The following NOS1AP variants were observed in gnomAD, a reference collection of about 807,000 sequenced individuals.
NOS1AP encodes nitric oxide synthase 1 adaptor protein.
Under a neutral mutation model 56.2 loss-of-function variants are expected in NOS1AP, and 21 were observed. That is an observed-to-expected ratio of 0.37 (90% CI 0.26 to 0.54). The LOEUF (loss-of-function observed/expected upper bound fraction) is 0.54. Ranked by LOEUF, NOS1AP falls within the 20% of genes least tolerant of loss-of-function variation. NOS1AP has a pLI of 0.84. For missense variants in NOS1AP, 522 were observed against 657.8 expected, an observed-to-expected ratio of 0.79 and a Z score of 2.26; for synonymous variants, 270 against 274.6, an observed-to-expected ratio of 0.98 and a Z score of 0.17.
chr1:162,148,249 T>A (rs1218306663), intron 1 of NOS1AP, among the ~76,000 whole-genome samples: 1 of 152,220 alleles, frequency 6.6e-6, no homozygotes, highest in Non-Finnish European at 1.5e-5. Flanking sequence ...TGAATCTGTG[T>A]TCATTTTTGG....
chr1:162,212,386 A>G (rs1291745183), intron 2 of NOS1AP, among the ~76,000 whole-genome samples: 2 of 152,078 alleles, frequency 1.3e-5, no homozygotes, highest in Non-Finnish European at 2.9e-5. Flanking sequence ...GGTGAGCAAA[A>G]TGGGCTGGTC....
At chr1:162,173,704 A>G (rs1448030036) in intron 2 of NOS1AP, among the ~76,000 whole-genome samples, 2 of 152,238 alleles carry the variant, frequency 1.3e-5, no homozygotes, top group Admixed American at 6.5e-5. Context: ...CAATGAACTC[A>G]AACAGATTTA....
chr1:162,281,622 G>A (rs961805732), intron 2 of NOS1AP, among the ~76,000 whole-genome samples: 3 of 152,098 alleles, frequency 2.0e-5, no homozygotes, highest in African/African-American at 7.2e-5. Flanking sequence ...GTGTGGGGAG[G>A]GCATTTTAGG....
At chr1:162,289,278 T>TTCCTTC (rs1655205232) in intron 3 of NOS1AP, among the ~76,000 whole-genome samples, 1 of 24,854 alleles carries the variant, frequency 4.0e-5, no homozygotes, top group African/African-American at 1.3e-4. Context: ...CCTTCCTTCC[T>TTCCTTC]TTCCTTCCTT....
intron 1 of NOS1AP, among the ~76,000 whole-genome samples, chr1:162,139,249 G>A (rs1649132303): frequency 6.6e-6 from 1 of 152,160 alleles, no homozygotes; most frequent in Non-Finnish European, 1.5e-5. Flanking sequence ...TAACCACCAA[G>A]ACACTGTGTT....
chr1:162,162,584 T>C (rs16857418), intron 2 of NOS1AP, among the ~76,000 whole-genome samples: 9,746 of 152,260 alleles, frequency 0.064, 753 homozygotes, highest in African/African-American at 0.18. Flanking sequence ...AGGTAGTCAC[T>C]GTATATTCCT....
intron 1 of NOS1AP, among the ~76,000 whole-genome samples, chr1:162,097,850 T>C (rs1471498135): frequency 6.6e-6 from 1 of 152,154 alleles, no homozygotes; most frequent in Non-Finnish European, 1.5e-5. Context: ...ATATAAATGT[T>C]AGAATCAGTT....
At chr1:162,220,378 A>G (rs918081346) in intron 2 of NOS1AP, among the ~76,000 whole-genome samples, 3 of 152,072 alleles carry the variant, frequency 2.0e-5, no homozygotes, top group Admixed American at 6.6e-5. Flanking sequence ...GAGAGCAAAC[A>G]TTTTAGTGGG....
chr1:162,115,166 A>G lies in NOS1AP; in HGVS notation c.106-39239A>G, dbSNP rs138616147. On this transcript the variant is annotated intron_variant, in intron 1 of 9. Transcript: ENST00000361897. The stretch of plus-strand genomic sequence containing the variant: ...AGGATCCCTCCTCTTTTGGAGCTTT[A>G]CAAAACTAGTAATGGTTGTTAGAGA... Among the ~76,000 whole-genome samples, 591 of 152,326 alleles carry G rather than the reference A, an allele frequency of 3.9e-3. 7 individuals are homozygous for G. Among genetic ancestry groups the G allele is most frequent in the African/African-American group, 0.014 (565 of 41,570 alleles).
intron 1 of NOS1AP, among the ~76,000 whole-genome samples, chr1:162,144,857 A>G (rs918987041): frequency 6.6e-6 from 1 of 152,190 alleles, no homozygotes; most frequent in Non-Finnish European, 1.5e-5. Flanking sequence ...CAACCCATCT[A>G]AGCTTTTGCT....
chr1:162,263,150 A>G (rs1654292850), intron 2 of NOS1AP, among the ~76,000 whole-genome samples: 1 of 152,158 alleles, frequency 6.6e-6, no homozygotes, highest in African/African-American at 2.4e-5. Flanking sequence ...AATCCCTTCT[A>G]TTGGATTGAG....
chr1:162,091,024 A>G lies in NOS1AP; in HGVS notation c.105+20742A>G, dbSNP rs954921752. 3.1e-5 allele frequency among the ~76,000 whole-genome samples: 4 copies of G among 130,712 alleles called. No individual in the cohort carries two copies. The South Asian group carries it at 6.9e-4, about 22-fold the overall frequency. 85.8% of individuals were successfully genotyped at this position (130,712 alleles called of 152,430 possible). Reference sequence around the variant, plus strand: ...TAAAAAGGAGGGTTGGTTTGGTAGTATTTCTAACTGCACAGAGAAATGGAG... The same window carrying G: ...TAAAAAGGAGGGTTGGTTTGGTAGTGTTTCTAACTGCACAGAGAAATGGAG... On this transcript the variant is annotated intron_variant, in intron 1 of 9. Transcript: ENST00000361897.
At chr1:162,278,191 G>A (rs1429456784) in intron 2 of NOS1AP, among the ~76,000 whole-genome samples, 1 of 152,102 alleles carries the variant, frequency 6.6e-6, no homozygotes, top group Non-Finnish European at 1.5e-5. Context: ...TTCCTCAAGT[G>A]TGCCTGCCCA....
intron 2 of NOS1AP, among the ~76,000 whole-genome samples, chr1:162,226,784 T>C (rs3923367): frequency 0.54 from 81,562 of 152,048 alleles, 22,932 homozygotes; most frequent in Non-Finnish European, 0.64. Context: ...GTGGTAAATA[T>C]CCCCATTAGC....
chr1:162,258,827 T>A (rs1478768238), intron 2 of NOS1AP, among the ~76,000 whole-genome samples: 1 of 152,182 alleles, frequency 6.6e-6, no homozygotes, highest in Non-Finnish European at 1.5e-5. Context: ...CATCATTAAA[T>A]ATTGAGATTT....
At chr1:162,114,581 A>G (rs900151165) in intron 1 of NOS1AP, among the ~76,000 whole-genome samples, 5 of 152,210 alleles carry the variant, frequency 3.3e-5, no homozygotes, top group Admixed American at 2.6e-4. Context: ...AAGTTGACAT[A>G]TACAAAATAT....
intron 2 of NOS1AP, among the ~76,000 whole-genome samples, chr1:162,210,858 C>T (rs981319465): frequency 7.2e-5 from 11 of 152,232 alleles, no homozygotes; most frequent in Non-Finnish European, 1.3e-4. Context: ...TTGCACACAA[C>T]GAGTATGGCC....
At chr1:162,101,866 T>C (rs1647285626) in intron 1 of NOS1AP, among the ~76,000 whole-genome samples, 1 of 152,154 alleles carries the variant, frequency 6.6e-6, no homozygotes, top group East Asian at 1.9e-4. Context: ...TTTCTAGATA[T>C]AGGATCATGT....
intron 1 of NOS1AP, among the ~76,000 whole-genome samples, chr1:162,104,177 G>T (rs1647408078): frequency 6.6e-6 from 1 of 152,126 alleles, no homozygotes; most frequent in African/African-American, 2.4e-5. Context: ...GCTTAGTTTG[G>T]CTGGATATGA....
Sources: gnomAD v4.1 joint callset for allele counts (sites outside exome capture counted in the v4.1 genomes callset) on GRCh38, gnomAD v4.1.1 for gene constraint, MANE v1.5 for transcripts, NCBI Gene and HGNC (gene_info 2026-07-23, HGNC 2026-07-21) for gene names.